CORO1C: variants seen among roughly 807,000 people sequenced by gnomAD.
CORO1C encodes the protein coronin 1C, also known as coronin-1C.
In CORO1C, 14 loss-of-function variants were observed where a neutral mutation model predicts 51.2. The ratio of observed to expected loss-of-function variants is 0.27; its 90% CI spans 0.18 to 0.43. CORO1C has a LOEUF of 0.43. Ranked by LOEUF, CORO1C falls within the 20% of genes least tolerant of loss-of-function variation. The pLI, the probability that CORO1C is intolerant of heterozygous loss-of-function variation, is 1.00. For missense variants in CORO1C, 417 were observed against 607.8 expected (o/e 0.69, Z 3.30); for synonymous variants, 181 against 210.5 (o/e 0.86, Z 1.21).
rs564041528 is a variant in CORO1C, at chr12:108,704,995, G to A, written c.-5-3672C>T. ...TGGGATGGTGGCAGGAGATTCTTAT[G>A]CTATAATAGTACCTTGTATGGTTAA... On this transcript the variant is annotated intron_variant, in intron 1 of 10. Transcript: ENST00000261401. 2.0e-5 allele frequency among the ~76,000 whole-genome samples: 3 copies of A among 152,272 alleles called. No individual in the cohort carries two copies. In the East Asian group the frequency reaches 5.8e-4, roughly 29 times the overall value.
At chr12:108,669,906 G>T (rs1324946084) in intron 3 of CORO1C, among the ~76,000 whole-genome samples, 2 of 152,098 alleles carry the variant, frequency 1.3e-5, no homozygotes, top group Non-Finnish European at 2.9e-5. Context: ...AGTGATTAAA[G>T]GGTGATTTAA....
Position 108,659,000 on chromosome 12 carries a change from A to C in CORO1C, c.449-81T>G. 10 of 1,415,220 alleles carry C rather than the reference A, an allele frequency of 7.1e-6. No individual in the cohort carries two copies. Among genetic ancestry groups the C allele is most frequent in the Non-Finnish European group, 9.7e-6 (10 of 1,028,626 alleles). The allele number at this position is 1,415,220 out of a possible 1,614,324, so 87.7% of individuals were successfully genotyped here. A position where few individuals can be genotyped will look rare whatever the true frequency, so the allele number is the denominator to read the frequency against. On this transcript the variant is annotated intron_variant, in intron 4 of 10. Coordinates refer to ENST00000261401, the MANE Select transcript of CORO1C (RefSeq NM_014325.4). The surrounding 1 kb of genome is among the most constrained non-coding windows in gnomAD (Gnocchi z 4.9). The stretch of plus-strand genomic sequence containing the variant: ...CTCAGAAAACTACAGATACAGTGAG[A>C]ATACACATATGTATATGCAGAGAGA...
intron 2 of CORO1C, among the ~76,000 whole-genome samples, chr12:108,688,040 C>T (rs1174607716): frequency 6.6e-6 from 1 of 151,718 alleles, no homozygotes; most frequent in Non-Finnish European, 1.5e-5. Context: ...TCTCCCGCCT[C>T]AGCCTCCTGA....
intron 8 of CORO1C, among the ~76,000 whole-genome samples, chr12:108,651,382 T>C (rs1286271386): frequency 2.0e-5 from 3 of 152,340 alleles, no homozygotes; most frequent in African/African-American, 7.2e-5. Context: ...GAAAAAAGCC[T>C]GTCCCTTAGG....
intron 1 of CORO1C, chr12:108,702,824 C>T (rs1162851047): frequency 6.5e-7 from 1 of 1,532,702 alleles, no homozygotes; most frequent in Admixed American, 2.0e-5. Context: ...AAAGTGGCCT[C>T]TCTCCAATGC....
At chr12:108,653,793 G>T (rs2032801108) in intron 7 of CORO1C, among the ~76,000 whole-genome samples, 1 of 152,124 alleles carries the variant, frequency 6.6e-6, no homozygotes, top group Non-Finnish European at 1.5e-5. Context: ...ACCCTCTGGA[G>T]AGTCTCTGAG....
At chr12:108,651,551 C>T (rs1167466322) in intron 8 of CORO1C, among the ~76,000 whole-genome samples, 2 of 152,300 alleles carry the variant, frequency 1.3e-5, no homozygotes, top group African/African-American at 2.4e-5. Context: ...GCCCCAAATA[C>T]AGTTTTGACT....
intron 1 of CORO1C, among the ~76,000 whole-genome samples, chr12:108,715,900 G>A (rs572182431): frequency 4.7e-4 from 72 of 151,950 alleles, no homozygotes; most frequent in African/African-American, 1.7e-3. Context: ...TTGGGAGGCC[G>A]AGGCGGGTGG....
intron 2 of CORO1C, among the ~76,000 whole-genome samples, chr12:108,691,945 C>A (rs2034511610): frequency 6.6e-6 from 1 of 152,176 alleles, no homozygotes; most frequent in African/African-American, 2.4e-5. Context: ...GTTCCTTCTG[C>A]CAGGACTTTG....
At chr12:108,718,368 C>T (rs1192307883) in intron 1 of CORO1C, among the ~76,000 whole-genome samples, 3 of 100,986 alleles carry the variant, frequency 3.0e-5, no homozygotes, top group Non-Finnish European at 4.0e-5. Context: ...GACTCCGTCT[C>T]GAAAAAAAAA....
intron 3 of CORO1C, among the ~76,000 whole-genome samples, chr12:108,672,001 C>G (rs1015828086): frequency 6.6e-6 from 1 of 152,094 alleles, no homozygotes; most frequent in Non-Finnish European, 1.5e-5. Context: ...GGGCTCAACC[C>G]GTCCACCTGC....
At chr12:108,673,680 CT>C (rs2033799688) in intron 3 of CORO1C, among the ~76,000 whole-genome samples, 1 of 152,166 alleles carries the variant, frequency 6.6e-6, no homozygotes, top group African/African-American at 2.4e-5. Context: ...GCTCACGCAG[CT>C]GGTGACTTTA....
chr12:108,719,619 G>T (rs1020761270), intron 1 of CORO1C, among the ~76,000 whole-genome samples: 1 of 152,144 alleles, frequency 6.6e-6, no homozygotes, highest in Non-Finnish European at 1.5e-5. Context: ...GATTTCTCTG[G>T]TGCTGGGCAG....
intron 2 of CORO1C, among the ~76,000 whole-genome samples, chr12:108,680,432 A>G (rs1046139732): frequency 2.1e-4 from 32 of 152,240 alleles, no homozygotes; most frequent in African/African-American, 6.3e-4. Context: ...AATGAACACC[A>G]TATCATATAG....
chr12:108,688,319 CTG>C (rs964287688), intron 2 of CORO1C, among the ~76,000 whole-genome samples: 95 of 152,208 alleles, frequency 6.2e-4, no homozygotes, highest in African/African-American at 2.0e-3. Context: ...ATAAAAAAAA[CTG>C]TTAATGTACA....
At chr12:108,693,854 AC>A (rs1481225230) in intron 2 of CORO1C, among the ~76,000 whole-genome samples, 2 of 152,080 alleles carry the variant, frequency 1.3e-5, no homozygotes, top group African/African-American at 4.8e-5. Context: ...AAAAAAAAAA[AC>A]CTGAATTCAA....
At chr12:108,671,072 C>T (rs1033792727) in intron 3 of CORO1C, among the ~76,000 whole-genome samples, 2 of 151,588 alleles carry the variant, frequency 1.3e-5, no homozygotes, top group East Asian at 1.9e-4. Flanking sequence ...GTGGCTCACA[C>T]GTGTAATCCC....
chr12:108,677,219 G>C (rs2033939103), intron 3 of CORO1C, among the ~76,000 whole-genome samples: 1 of 152,162 alleles, frequency 6.6e-6, no homozygotes, highest in Non-Finnish European at 1.5e-5. Context: ...ACTCCCATTT[G>C]TGTTTATGCC....
At chr12:108,657,573 G>T in intron 5 of CORO1C, 150 bp from the exon 6 acceptor site, 1 of 741,710 alleles carries the variant, frequency 1.3e-6, no homozygotes, top group Non-Finnish European at 2.2e-6. Context: ...CCCTTCCCCA[G>T]ATGAGGAAAC....
Sources: gnomAD v4.1 joint callset for allele counts (sites outside exome capture counted in the v4.1 genomes callset) on GRCh38, gnomAD v4.1.1 for gene constraint, Gnocchi (gnomAD v3.1) non-coding constraint, MANE v1.5 for transcripts, NCBI Gene and HGNC (gene_info 2026-07-23, HGNC 2026-07-21) for gene names.